The following DLG2 variants were observed in gnomAD, a reference collection of about 807,000 sequenced individuals.
DLG2 encodes discs large MAGUK scaffold protein 2.
In DLG2, 45 loss-of-function variants were observed where a neutral mutation model predicts 132.5. The ratio of observed to expected loss-of-function variants is 0.34; its 90% CI spans 0.27 to 0.44. The LOEUF is 0.44. Among genes scored for constraint, DLG2 ranks in the 20% least tolerant of loss-of-function variants. The probability of loss-of-function intolerance (pLI) is 1.00; values close to 1 mark genes in which losing one functional copy is unlikely to be tolerated. For missense variants in DLG2, 1,045 were observed against 1,196.9 expected, an observed-to-expected ratio of 0.87 and a Z score of 1.87; for synonymous variants, 424 against 419.6, an observed-to-expected ratio of 1.01 and a Z score of -0.13.
chr11:83,905,843 A>G (rs147079728), intron 15 of DLG2, among the ~76,000 whole-genome samples: 350 of 152,186 alleles, frequency 2.3e-3, no homozygotes, highest in African/African-American at 8.1e-3. Context: ...ACTGTTATGC[A>G]GCTGTGTGAT....
intron 15 of DLG2, among the ~76,000 whole-genome samples, chr11:83,890,942 G>T (rs61901776): frequency 0.096 from 14,668 of 152,172 alleles, 844 homozygotes; most frequent in Middle Eastern, 0.2. Context: ...CTGGTCAGCA[G>T]TGGTGCTTTA....
At chr11:83,511,267 C>T (rs1287900378) in intron 21 of DLG2, among the ~76,000 whole-genome samples, 7 of 152,176 alleles carry the variant, frequency 4.6e-5, no homozygotes, top group Admixed American at 3.9e-4. Context: ...AATGCTTCTT[C>T]TGCCTGGGGA....
chr11:84,176,677 G>A (rs2095977900), intron 8 of DLG2, among the ~76,000 whole-genome samples: 1 of 152,032 alleles, frequency 6.6e-6, no homozygotes, highest in African/African-American at 2.4e-5. Context: ...GTCGGATTAA[G>A]GCGTTCTGGA....
chr11:85,276,665 T>C (rs1157362353), intron 4 of DLG2, among the ~76,000 whole-genome samples: 2 of 152,188 alleles, frequency 1.3e-5, no homozygotes, highest in African/African-American at 4.8e-5. Context: ...ACTAAGCATC[T>C]TTTCACTGGG....
Position 83,539,268 on chromosome 11 carries a change from A to G in DLG2, c.2117+2414T>C, listed in dbSNP as rs79184763. 7.0e-4 allele frequency among the ~76,000 whole-genome samples: 106 copies of G among 152,312 alleles called. No homozygotes were observed. The East Asian group carries it at 0.014, about 20-fold the overall frequency. Reference sequence around the variant, plus strand: ...GTTTCATTTGGGATGATTAAATGACATTATCAATAGAGAAACATTTTTGAA... The same window carrying G: ...GTTTCATTTGGGATGATTAAATGACGTTATCAATAGAGAAACATTTTTGAA... On this transcript the variant is annotated intron_variant, in intron 20 of 27. Transcript: ENST00000376104.
chr11:85,358,081 C>T (rs899678557), intron 3 of DLG2, among the ~76,000 whole-genome samples: 1 of 150,982 alleles, frequency 6.6e-6, no homozygotes, highest in Non-Finnish European at 1.5e-5. Context: ...TATGGAAAAT[C>T]GCCTGAAAAA....
chr11:85,584,457 T>G (rs955684859), intron 3 of DLG2, among the ~76,000 whole-genome samples: 7 of 152,076 alleles, frequency 4.6e-5, no homozygotes, highest in Non-Finnish European at 1.0e-4. Flanking sequence ...TAAATTGTGC[T>G]GCTATAGACA....
chr11:84,769,404 G>A (rs2068910884), intron 6 of DLG2, among the ~76,000 whole-genome samples: 1 of 152,008 alleles, frequency 6.6e-6, no homozygotes, highest in Non-Finnish European at 1.5e-5. Flanking sequence ...CACGAAGACT[G>A]GCTTTTCAAA....
intron 8 of DLG2, among the ~76,000 whole-genome samples, chr11:84,189,030 T>C (rs1039020530): frequency 2.6e-5 from 4 of 152,212 alleles, no homozygotes; most frequent in Admixed American, 6.5e-5. Flanking sequence ...TATTCAAATA[T>C]GTTTTGGTCT....
intron 3 of DLG2, among the ~76,000 whole-genome samples, chr11:85,575,305 G>A (rs2078087721): frequency 6.6e-6 from 1 of 151,920 alleles, no homozygotes; most frequent in Non-Finnish European, 1.5e-5. Context: ...GGAGGCTGAG[G>A]CAGGAGGATC....
At chr11:85,291,585 C>CTATT (rs2078894349) in intron 3 of DLG2, among the ~76,000 whole-genome samples, 1 of 138,786 alleles carries the variant, frequency 7.2e-6, no homozygotes, top group Non-Finnish European at 1.5e-5. Context: ...GGATTCTCTT[C>CTATT]TTTTTTTTTT....
At chr11:83,944,601 T>C (rs1205823053) in intron 14 of DLG2, among the ~76,000 whole-genome samples, 1 of 152,146 alleles carries the variant, frequency 6.6e-6, no homozygotes, top group East Asian at 1.9e-4. Flanking sequence ...ATGGAAGAGA[T>C]TTTTTAGAAA....
intron 6 of DLG2, among the ~76,000 whole-genome samples, chr11:84,560,050 G>A (rs562893911): frequency 6.6e-6 from 1 of 152,058 alleles, no homozygotes. Flanking sequence ...GTACTTGTTG[G>A]GAAATCACAG....
intron 9 of DLG2, among the ~76,000 whole-genome samples, chr11:84,113,789 G>A (rs1361566363): frequency 6.6e-6 from 1 of 152,024 alleles, no homozygotes; most frequent in Non-Finnish European, 1.5e-5. Context: ...ATAGATGAAC[G>A]AATTTTAATG....
At chr11:84,429,078 C>T (rs1040744747) in intron 7 of DLG2, among the ~76,000 whole-genome samples, 1 of 152,116 alleles carries the variant, frequency 6.6e-6, no homozygotes, top group African/African-American at 2.4e-5. Context: ...AAAAGAAGAG[C>T]CCCTGAGCAT....
intron 6 of DLG2, among the ~76,000 whole-genome samples, chr11:84,801,425 G>A (rs1437577201): frequency 1.3e-5 from 2 of 152,182 alleles, no homozygotes; most frequent in African/African-American, 4.8e-5. Flanking sequence ...CGAAAAACTA[G>A]CCGGGTGTGG....
chr11:84,433,262 G>A (rs1452087548), intron 7 of DLG2, among the ~76,000 whole-genome samples: 3 of 152,230 alleles, frequency 2.0e-5, no homozygotes, highest in Admixed American at 1.3e-4. Context: ...TATTGCTGAC[G>A]GGGAAGTGAA....
At chr11:83,890,928 G>T (rs2069627373) in intron 15 of DLG2, among the ~76,000 whole-genome samples, 1 of 152,128 alleles carries the variant, frequency 6.6e-6, no homozygotes, top group South Asian at 2.1e-4. Flanking sequence ...TCTAGCTGGG[G>T]TGACTGGTCA....
chr11:85,314,155 C>T (rs2080492927), intron 3 of DLG2, among the ~76,000 whole-genome samples: 1 of 151,906 alleles, frequency 6.6e-6, no homozygotes, highest in Non-Finnish European at 1.5e-5. Context: ...CTGTGCTAAG[C>T]AACATGACAG....
Sources: gnomAD v4.1 joint callset for allele counts (sites outside exome capture counted in the v4.1 genomes callset) on GRCh38, gnomAD v4.1.1 for gene constraint, MANE v1.5 for transcripts, NCBI Gene and HGNC (gene_info 2026-07-23, HGNC 2026-07-21) for gene names.